Variants in CCSER1 observed in about 807,000 individuals in gnomAD.
CCSER1 encodes the protein coiled-coil serine rich protein 1.
CCSER1 carries 41 observed loss-of-function variants against 82.0 expected under a neutral mutation model. The ratio of observed to expected loss-of-function variants is 0.50; its 90% CI spans 0.39 to 0.65. The LOEUF is 0.65. CCSER1 is among the 30% of genes least tolerant of loss of function. The pLI is 0.00. For synonymous variants in CCSER1, 414 were observed against 383.9 expected (o/e 1.08, Z -0.92); for missense variants, 1,119 against 1,064.2 (o/e 1.05, Z -0.72).
intron 10 of CCSER1, among the ~76,000 whole-genome samples, chr4:91,400,852 C>G (rs1311136676): frequency 6.6e-6 from 1 of 151,618 alleles, no homozygotes; most frequent in African/African-American, 2.4e-5. Flanking sequence ...CTGAATTGGT[C>G]TTTTGGCTTC....
At chr4:90,338,342 G>A (rs950625390) in intron 3 of CCSER1, among the ~76,000 whole-genome samples, 14 of 152,096 alleles carry the variant, frequency 9.2e-5, no homozygotes, top group African/African-American at 3.4e-4. Context: ...TCTTTCTGTT[G>A]TTTTCAATTT....
At chr4:91,374,953 C>G (rs1392708172) in intron 10 of CCSER1, among the ~76,000 whole-genome samples, 1 of 152,128 alleles carries the variant, frequency 6.6e-6, no homozygotes, top group Non-Finnish European at 1.5e-5. Flanking sequence ...CTGAGATCAT[C>G]TCATCACTGC....
chr4:90,948,545 T>C (rs575072005), intron 9 of CCSER1, among the ~76,000 whole-genome samples: 1 of 151,912 alleles, frequency 6.6e-6, no homozygotes, highest in Non-Finnish European at 1.5e-5. Flanking sequence ...TTGTCACAAT[T>C]TAAAATCTTG....
intron 4 of CCSER1, among the ~76,000 whole-genome samples, chr4:90,445,853 T>C (rs1760576622): frequency 6.6e-6 from 1 of 152,162 alleles, no homozygotes; most frequent in African/African-American, 2.4e-5. Flanking sequence ...CTTGATTATG[T>C]ATTTCTATAT....
chr4:90,617,483 G>A (rs1029032319), intron 5 of CCSER1, among the ~76,000 whole-genome samples: 2 of 152,084 alleles, frequency 1.3e-5, no homozygotes, highest in African/African-American at 4.8e-5. Flanking sequence ...GTATACTTCA[G>A]CATAGAAATA....
chr4:91,155,346 C>G (rs12503626), intron 10 of CCSER1, among the ~76,000 whole-genome samples: 100,171 of 151,714 alleles, frequency 0.66, 34,965 homozygotes, highest in Non-Finnish European at 0.77. Context: ...GCTTTTTGCT[C>G]TTTCTTCATC....
chr4:90,162,064 G>A (rs1023594353), intron 1 of CCSER1, among the ~76,000 whole-genome samples: 2 of 152,128 alleles, frequency 1.3e-5, no homozygotes, highest in Non-Finnish European at 2.9e-5. Flanking sequence ...TATTTTGGAA[G>A]GTGGAGTGTG....
chr4:90,219,146 A>G (rs536913893), intron 1 of CCSER1, among the ~76,000 whole-genome samples: 7 of 152,338 alleles, frequency 4.6e-5, no homozygotes, highest in Admixed American at 1.3e-4. Flanking sequence ...AATAATCTAC[A>G]TGAGAATAAT....
At chr4:91,490,285 G>C (rs1758447735) in intron 10 of CCSER1, among the ~76,000 whole-genome samples, 1 of 152,158 alleles carries the variant, frequency 6.6e-6, no homozygotes, top group Non-Finnish European at 1.5e-5. Context: ...AGAGATATCT[G>C]CACTGTCATG....
chr4:91,557,046 C>T (rs1032931747), intron 10 of CCSER1, among the ~76,000 whole-genome samples: 5 of 150,030 alleles, frequency 3.3e-5, no homozygotes, highest in African/African-American at 7.4e-5. Flanking sequence ...TTTTCTGTGA[C>T]ACTTTGCTTA....
At position 90,247,235 on chromosome 4, in the gene CCSER1, T is replaced by C. The variant is rs1271787591; in HGVS notation, c.-41-61009T>C. The stretch of plus-strand genomic sequence containing the variant: ...GCCATTGGCAGCGAGTGACTGAAAC[T>C]GTGGAAAGCAAAACTGCAGCTCCAT... On this transcript the variant is annotated intron_variant, in intron 1 of 10. Transcript: ENST00000509176. 4.6e-5 allele frequency among the ~76,000 whole-genome samples: 7 copies of C among 152,294 alleles called. No homozygotes were observed. The East Asian group carries it at 1.4e-3, about 29-fold the overall frequency.
At chr4:90,636,412 G>A (rs1290465653) in intron 6 of CCSER1, among the ~76,000 whole-genome samples, 1 of 151,390 alleles carries the variant, frequency 6.6e-6, no homozygotes, top group African/African-American at 2.4e-5. Flanking sequence ...AAAAAAATTG[G>A]CAAAAATCCT....
At chr4:90,240,875 C>T (rs542733767) in intron 1 of CCSER1, among the ~76,000 whole-genome samples, 2 of 152,262 alleles carry the variant, frequency 1.3e-5, no homozygotes, top group South Asian at 2.1e-4. Flanking sequence ...TTCAAAGACA[C>T]CACCTATAGC....
At chr4:90,610,798 C>A (rs1301512283) in intron 5 of CCSER1, among the ~76,000 whole-genome samples, 1 of 152,084 alleles carries the variant, frequency 6.6e-6, no homozygotes, top group Non-Finnish European at 1.5e-5. Flanking sequence ...GTACAGAAGG[C>A]AGATCGACCT....
chr4:90,148,170 G>A (rs1726164466), intron 1 of CCSER1, among the ~76,000 whole-genome samples: 1 of 151,916 alleles, frequency 6.6e-6, no homozygotes, highest in Admixed American at 6.6e-5. Context: ...GTCTCAAAAT[G>A]ATAATAATAA....
chr4:91,073,215 T>G (rs936701949), intron 9 of CCSER1, among the ~76,000 whole-genome samples: 3 of 152,120 alleles, frequency 2.0e-5, no homozygotes, highest in South Asian at 4.1e-4. Context: ...TCAATAGATT[T>G]TAGCCCAAAT....
rs753973015 is a variant in CCSER1, at chr4:91,593,467, C to CTTTTTTTTT, written c.2218-5087_2218-5079dup. ...TAACTGTCTTGTTTTCAACCCCGTGCTTTTTTTTTTTTTTTTTTTTTTTTT... is the reference window on the plus strand; with the variant it reads ...TAACTGTCTTGTTTTCAACCCCGTGCTTTTTTTTTTTTTTTTTTTTTTTTTTTTTTTTTT... On this transcript the variant is annotated intron_variant, in intron 10 of 10. Transcript: ENST00000509176. Among the ~76,000 whole-genome samples, 111 of 55,044 alleles carry CTTTTTTTTT rather than the reference C, an allele frequency of 2.0e-3. 11 individuals are homozygous for CTTTTTTTTT. The highest frequency in any genetic ancestry group is 7.7e-3 in the African/African-American group (105 of 13,626). 36.1% of individuals were successfully genotyped at this position (55,044 alleles called of 152,430 possible).
intron 10 of CCSER1, among the ~76,000 whole-genome samples, chr4:91,442,340 T>C (rs1483536294): frequency 6.6e-6 from 1 of 152,088 alleles, no homozygotes; most frequent in East Asian, 1.9e-4. Flanking sequence ...CATCTGATCT[T>C]TGACAAACCT....
At chr4:90,573,780 T>C (rs946792049) in intron 5 of CCSER1, among the ~76,000 whole-genome samples, 2 of 152,178 alleles carry the variant, frequency 1.3e-5, no homozygotes, top group Non-Finnish European at 1.5e-5. Context: ...GTCCATATTG[T>C]TCATTTATTT....
Sources: gnomAD v4.1 joint callset for allele counts (sites outside exome capture counted in the v4.1 genomes callset) on GRCh38, gnomAD v4.1.1 for gene constraint, MANE v1.5 for transcripts, NCBI Gene and HGNC (gene_info 2026-07-23, HGNC 2026-07-21) for gene names.